Variants in DENND2B observed in about 807,000 individuals in gnomAD.
The protein encoded by DENND2B is DENN domain-containing protein 2B.
Under a neutral mutation model 116.0 loss-of-function variants are expected in DENND2B, and 32 were observed. That is an observed-to-expected ratio of 0.28 (90% CI 0.21 to 0.37). The LOEUF is 0.37. Ranked by LOEUF, DENND2B falls within the 10% of genes least tolerant of loss-of-function variation. The pLI is 1.00. For missense variants in DENND2B, 1,276 were observed against 1,477.7 expected (o/e 0.86, Z 2.24); for synonymous variants, 588 against 583.9 (o/e 1.01, Z -0.10).
intron 2 of DENND2B, among the ~76,000 whole-genome samples, chr11:8,880,001 G>GT (rs2063884807): frequency 6.6e-6 from 1 of 152,104 alleles, no homozygotes; most frequent in African/African-American, 2.4e-5. Flanking sequence ...GAACATTTAG[G>GT]TACCAATAGA....
intron 1 of DENND2B, among the ~76,000 whole-genome samples, chr11:8,889,747 G>T (rs528438343): frequency 1.3e-5 from 2 of 152,214 alleles, no homozygotes; most frequent in South Asian, 4.1e-4. Context: ...CGGCCAGGAA[G>T]CTCAAACTGG....
upstream of DENND2B, among the ~76,000 whole-genome samples, chr11:8,814,660 T>C (rs1330860399): frequency 6.6e-6 from 1 of 152,248 alleles, no homozygotes; most frequent in East Asian, 1.9e-4. Context: ...TGTGTAATTA[T>C]GCATTTATAC....
intron 1 of DENND2B, among the ~76,000 whole-genome samples, chr11:8,791,622 C>G (rs1025014721): frequency 2.0e-5 from 3 of 151,802 alleles, no homozygotes; most frequent in Admixed American, 6.6e-5. Context: ...AAAAAATTAG[C>G]CGGGTATGGT....
In DENND2B at chr11:8,830,208, T is replaced by C. The variant is rs117893061; in HGVS notation, c.-115+9102A>G. ...AATGGCAGGACTTCCAGAGCTCAGG[T>C]CCCTGGCTCTGCTCTGCCACACCTA... On this transcript the variant is annotated intron_variant, in intron 4 of 6. Coordinates refer to the DENND2B transcript ENST00000524757. 6.3e-3 allele frequency among the ~76,000 whole-genome samples: 958 copies of C among 152,250 alleles called. 8 individuals are homozygous for C. Among genetic ancestry groups the C allele is most frequent in the Non-Finnish European group, 0.011 (732 of 68,028 alleles).
chr11:8,872,497 A>AG (rs1424730188), upstream of DENND2B, among the ~76,000 whole-genome samples: 47 of 151,872 alleles, frequency 3.1e-4, no homozygotes, highest in Non-Finnish European at 4.9e-4. Context: ...AAAAAAAAAA[A>AG]AAAAAGAAAA....
At chr11:8,756,488 G>A (rs1395935330) in intron 1 of DENND2B, among the ~76,000 whole-genome samples, 1 of 152,176 alleles carries the variant, frequency 6.6e-6, no homozygotes, top group East Asian at 1.9e-4. Flanking sequence ...AAGTGGCCTG[G>A]GAATTCAGGC....
intron 1 of DENND2B, among the ~76,000 whole-genome samples, chr11:8,770,989 G>T (rs1377763270): frequency 1.3e-5 from 2 of 152,098 alleles, no homozygotes; most frequent in African/African-American, 4.8e-5. Context: ...ACCTTTCTGT[G>T]GTTTGCCCTG....
intron 1 of DENND2B, among the ~76,000 whole-genome samples, chr11:8,804,639 G>A (rs1006839213): frequency 6.8e-6 from 1 of 146,956 alleles, no homozygotes; most frequent in Non-Finnish European, 1.5e-5. Context: ...CCGCCTCCCA[G>A]GTTCAAGCTG....
At chr11:8,749,399 G>A (rs1214326486) in intron 2 of DENND2B, among the ~76,000 whole-genome samples, 1 of 152,258 alleles carries the variant, frequency 6.6e-6, no homozygotes, top group Non-Finnish European at 1.5e-5. Context: ...TCTTGCTGCT[G>A]CAAGTGGATA....
intron 1 of DENND2B, among the ~76,000 whole-genome samples, chr11:8,797,266 C>T (rs1382541130): frequency 6.6e-6 from 1 of 152,164 alleles, no homozygotes; most frequent in Non-Finnish European, 1.5e-5. Flanking sequence ...ACAGAGTAAA[C>T]ATTACACTAA....
At chr11:8,832,365 T>TTGCTTGGAC (rs2062242922) in intron 4 of DENND2B, among the ~76,000 whole-genome samples, 1 of 151,262 alleles carries the variant, frequency 6.6e-6, no homozygotes, top group Admixed American at 6.6e-5. Flanking sequence ...GGCAGGAGAA[T>TTGCTTGGAC]TGCTTGGACC....
At chr11:8,899,316 T>G in intron 1 of DENND2B, among the ~76,000 whole-genome samples, 1 of 150,938 alleles carries the variant, frequency 6.6e-6, no homozygotes, top group Non-Finnish European at 1.5e-5. Flanking sequence ...TTTATAAATT[T>G]GAGGAAAAAC....
upstream of DENND2B, among the ~76,000 whole-genome samples, chr11:8,872,493 A>G (rs1027095469): frequency 1.3e-5 from 2 of 151,442 alleles, no homozygotes; most frequent in Admixed American, 6.6e-5. Context: ...TCTAAAAAAA[A>G]AAAAAAAAAG....
intron 2 of DENND2B, among the ~76,000 whole-genome samples, chr11:8,860,967 A>G (rs1179815514): frequency 6.6e-6 from 1 of 152,202 alleles, no homozygotes; most frequent in Admixed American, 6.5e-5. Context: ...TGGTGCTGGG[A>G]AAACTGGCTA....
At position 8,901,229 on chromosome 11, in the gene DENND2B, C is replaced by CTTTTCTTTTCTTTTTTTTTTTTTTTT. The variant is rs781408078; in HGVS notation, c.-256+9591_-256+9592insAAAAAAAAAAAAAAAAGAAAAGAAAA. Among the ~76,000 whole-genome samples the CTTTTCTTTTCTTTTTTTTTTTTTTTT allele has an allele frequency of 2.5e-4, 21 of 83,914 alleles. 1 individual carries two copies. The highest frequency in any genetic ancestry group is 4.2e-4 in the Non-Finnish European group (19 of 45,236). 55.1% of individuals were successfully genotyped at this position (83,914 alleles called of 152,430 possible). A position where few individuals can be genotyped will look rare whatever the true frequency, so the allele number is the denominator to read the frequency against. On this transcript the variant is annotated intron_variant, in intron 1 of 22. Coordinates refer to the DENND2B transcript ENST00000534127. ...CTTTTTCTTTCTTTTCTTTTCTTTTCTTTTTTTTTTTTTTTTTTGAGATGG... is the reference window on the plus strand; with the variant it reads ...CTTTTTCTTTCTTTTCTTTTCTTTTCTTTTCTTTTCTTTTTTTTTTTTTTTTTTTTTTTTTTTTTTTTTTGAGATGG...
intron 3 of DENND2B, among the ~76,000 whole-genome samples, chr11:8,728,015 T>G (rs1159703965): frequency 7.0e-6 from 1 of 143,442 alleles, no homozygotes; most frequent in African/African-American, 2.6e-5. Flanking sequence ...ACACGCAAAT[T>G]TTTTTGAGAG....
At chr11:8,728,179 T>C (rs755258025) in intron 3 of DENND2B, among the ~76,000 whole-genome samples, 2 of 152,140 alleles carry the variant, frequency 1.3e-5, no homozygotes, top group Non-Finnish European at 1.5e-5. Flanking sequence ...ATTTTTTAAA[T>C]TTTTTGTAGA....
intron 1 of DENND2B, among the ~76,000 whole-genome samples, chr11:8,881,971 A>G (rs1032007166): frequency 1.3e-5 from 2 of 149,696 alleles, no homozygotes; most frequent in African/African-American, 4.9e-5. Flanking sequence ...TTCATTTACT[A>G]TCTCCTTCTC....
chr11:8,778,646 C>T (rs1293878981), intron 1 of DENND2B, among the ~76,000 whole-genome samples: 1 of 152,234 alleles, frequency 6.6e-6, no homozygotes, highest in South Asian at 2.1e-4. Context: ...CCATGTGTGC[C>T]TACAGCTCCC....
Sources: gnomAD v4.1 joint callset for allele counts (sites outside exome capture counted in the v4.1 genomes callset) on GRCh38, gnomAD v4.1.1 for gene constraint, MANE v1.5 for transcripts, NCBI Gene and HGNC (gene_info 2026-07-23, HGNC 2026-07-21) for gene names.